Variants in PLPPR3 observed in about 807,000 individuals in gnomAD.
The protein encoded by PLPPR3 is phospholipid phosphatase-related protein type 3.
PLPPR3 carries 14 observed loss-of-function variants against 27.3 expected under a neutral mutation model. The ratio of observed to expected loss-of-function variants is 0.51; its 90% CI spans 0.34 to 0.80. PLPPR3 has a LOEUF of 0.80. PLPPR3 is among the 30% of genes least tolerant of loss of function. The probability of loss-of-function intolerance (pLI) is 0.01; values close to 1 mark genes in which losing one functional copy is unlikely to be tolerated. For synonymous variants in PLPPR3, 671 were observed against 508.0 expected (o/e 1.32, Z -4.32); for missense variants, 1,287 against 1,056.9 (o/e 1.22, Z -3.02).
intron 2 of PLPPR3, among the ~76,000 whole-genome samples, chr19:819,432 C>G (rs556707942): frequency 7.2e-5 from 11 of 151,790 alleles, no homozygotes; most frequent in Non-Finnish European, 1.6e-4. Context: ...AGGCGCCCAC[C>G]ACTACGACCA....
At chr19:823,446 A>C (rs376646238), upstream of PLPPR3, among the ~76,000 whole-genome samples, 15 of 84,284 alleles carry the variant, frequency 1.8e-4, no homozygotes, top group Admixed American at 1.2e-3. Flanking sequence ...TATCTCAAAA[A>C]AAAAAAAAAA....
intron 7 of PLPPR3, 109 bp downstream of exon 7, chr19:814,325 C>T (rs562827641): frequency 8.8e-7 from 1 of 1,134,100 alleles, no homozygotes; most frequent in African/African-American, 1.6e-5. Flanking sequence ...CTGCCTCCCA[C>T]CTCAGACCCC....
chr19:821,786 C>A, intron 1 of PLPPR3, 129 bp downstream of exon 1: 1 of 340,530 alleles, frequency 2.9e-6, no homozygotes, highest in Non-Finnish European at 5.2e-6. Context: ...GGGCCGGGAT[C>A]GCCGAGGAGG....
At position 813,073 on chromosome 19, in the gene PLPPR3, T is replaced by G. The variant is rs1301859248; in HGVS notation, c.1654A>C (p.Lys552Gln). 4.0e-6 allele frequency: 6 copies of G among 1,501,358 alleles called. No homozygotes were observed. The highest frequency in any genetic ancestry group is 5.3e-6 in the Non-Finnish European group (6 of 1,135,810). 93.0% of individuals were successfully genotyped at this position (1,501,358 alleles called of 1,614,324 possible). ...MSKAPGAPGP[K>Q]AAETASSSSA... ...GACGACGACGCCGTCTCGGCCGCCT[T>G]GGGGCCCGGCGCGCCCGGAGCCTTG... Residue 552 changes from lysine to glutamine, a missense_variant, in exon 8 of 8, where the codon AAG becomes CAG. Physicochemically the swap from Lys to Gln is moderately conservative, Grantham distance 53 (BLOSUM62 1). Transcript: ENST00000520876. This position sits in a 1 kb window ranked among gnomAD's most constrained non-coding sequence, Gnocchi z 4.1.
rs777040529 is a variant in PLPPR3 at position 815,074 on chromosome 19, G to A, written c.411C>T (p.His137=). Residue 137 remains histidine, a synonymous_variant, in exon 5 of 8, where the codon CAC becomes CAT. Coordinates refer to ENST00000520876, the MANE Select transcript of PLPPR3 (RefSeq NM_001270366.2). ...LRRTVRFVGV[H]VFGLCATALV... is the part of the protein sequence containing the mutation. Reference sequence around the variant, plus strand: ...GGGCTGTGGCACACAGGCCGAACACGTGGACACCTGCAGGGCGGAAGGCTC... The same window carrying A: ...GGGCTGTGGCACACAGGCCGAACACATGGACACCTGCAGGGCGGAAGGCTC... 1.2e-5 allele frequency: 20 copies of A among 1,605,484 alleles called. No homozygotes were observed. The highest frequency in any genetic ancestry group is 6.7e-5 in the Admixed American group (4 of 59,962).
rs1484631209 is a variant in PLPPR3 at position 812,610 on chromosome 19, C to CCCTCGG, written c.2111_2116dup (p.Ala704_Glu705dup). Reference sequence around the variant, plus strand: ...GCGCGCCTGCATCTTGCGGAAGTAGCCCTCGGCCTCCGCCTCCGCCTCGCG... The same window carrying CCCTCGG: ...GCGCGCCTGCATCTTGCGGAAGTAGCCCTCGGCCTCGGCCTCCGCCTCCGCCTCGCG... On this transcript the variant is annotated inframe_insertion, in exon 8 of 8. Coordinates refer to ENST00000520876, the MANE Select transcript of PLPPR3 (RefSeq NM_001270366.2). 6.4e-5 allele frequency: 72 copies of CCCTCGG among 1,116,520 alleles called. No homozygotes were observed. Among genetic ancestry groups the CCCTCGG allele is most frequent in the Admixed American group, 4.9e-4 (11 of 22,238 alleles). 69.2% of individuals were successfully genotyped at this position (1,116,520 alleles called of 1,614,324 possible).
In PLPPR3 at chr19:815,336, A is replaced by G; in HGVS notation, c.262-9T>C. 2 of 1,535,014 alleles carry G rather than the reference A, an allele frequency of 1.3e-6. No homozygotes were observed. Among genetic ancestry groups the G allele is most frequent in the Non-Finnish European group, 8.8e-7 (1 of 1,140,926 alleles). ...CCCTCGGCCACCATGATCTGCCAAC[A>G]GGGAGGGGGCGCTCAGGCCTCGGTG... On this transcript the variant is annotated splice_polypyrimidine_tract_variant and intron_variant, in intron 3 of 7. Transcript: ENST00000520876.
At position 821,365 on chromosome 19, in the gene PLPPR3, G is replaced by A. The variant is rs889052979; in HGVS notation, c.75+120C>T. ...CCCATCCGCCGGACACCCCGGTCCT[G>A]CCCCGCCCCGAGGCCACTGCCGGGG... is the stretch of plus-strand genomic sequence containing the variant. On this transcript the variant is annotated intron_variant, in intron 2 of 7. Coordinates refer to ENST00000520876, the MANE Select transcript of PLPPR3 (RefSeq NM_001270366.2). 2.7e-5 allele frequency: 21 copies of A among 785,830 alleles called. No individual in the cohort carries two copies. In the Admixed American group the frequency reaches 2.7e-4, roughly 10 times the overall value. 48.7% of individuals were successfully genotyped at this position (785,830 alleles called of 1,614,324 possible).
intron 1 of PLPPR3, 111 bp from the exon 2 acceptor site, chr19:821,696 A>T (rs1339567677): frequency 5.9e-6 from 3 of 509,604 alleles, no homozygotes; most frequent in Admixed American, 9.0e-5. Flanking sequence ...GGCTGCAGAG[A>T]GCGGCGTCCG....
chr19:823,527 C>A (rs905600217), upstream of PLPPR3, among the ~76,000 whole-genome samples: 511 of 152,024 alleles, frequency 3.4e-3, 1 homozygote, highest in Middle Eastern at 0.014. Context: ...ACAGGCACTG[C>A]TGCCCCCGGG....
chr19:823,092 C>G (rs1025517217), upstream of PLPPR3, among the ~76,000 whole-genome samples: 1 of 150,486 alleles, frequency 6.6e-6, no homozygotes, highest in Non-Finnish European at 1.5e-5. Flanking sequence ...GCACTCCAGC[C>G]TGGGCAACAA....
upstream of PLPPR3, among the ~76,000 whole-genome samples, chr19:822,873 C>T (rs1011178036): frequency 6.6e-6 from 1 of 152,208 alleles, no homozygotes; most frequent in Non-Finnish European, 1.5e-5. Flanking sequence ...GTAATCCCAG[C>T]ACTTTGGGAG....
At chr19:817,215 T>C (rs78959163) in intron 2 of PLPPR3, among the ~76,000 whole-genome samples, 7,706 of 152,168 alleles carry the variant, frequency 0.051, 675 homozygotes, top group African/African-American at 0.18. Context: ...TAGGCTCAAG[T>C]GATACACCCG....
chr19:820,117 A>C (rs549935606), intron 2 of PLPPR3, among the ~76,000 whole-genome samples: 1 of 151,968 alleles, frequency 6.6e-6, no homozygotes, highest in Non-Finnish European at 1.5e-5. Flanking sequence ...CAATGTGTTG[A>C]GATCACAGGC....
In PLPPR3 at chr19:821,502, A is replaced by C. The variant is rs1337697797; in HGVS notation, c.58T>G (p.Cys20Gly). 1 of 1,509,938 alleles carries C rather than the reference A, an allele frequency of 6.6e-7. No individual in the cohort carries two copies. Among genetic ancestry groups the C allele is most frequent in the Non-Finnish European group, 8.9e-7 (1 of 1,127,924 alleles). The allele number at this position is 1,509,938 out of a possible 1,614,324, so 93.5% of individuals were successfully genotyped here. A position where few individuals can be genotyped will look rare whatever the true frequency, so the allele number is the denominator to read the frequency against. The stretch of plus-strand genomic sequence containing the variant: ...CCACCCACCTCCACGAAGTAGAAGC[A>C]GGGCAGAAGCGTCATGCTGTCCTTC... ...IPKDSMTLLP[C>G]FYFVELPIVA... Residue 20 changes from cysteine to glycine, a missense_variant, in exon 2 of 8, where the codon TGC becomes GGC. Transcript: ENST00000520876.
At chr19:815,575 G>C (rs2035039748) in intron 3 of PLPPR3, 91 bp downstream of exon 3, 1 of 1,340,080 alleles carries the variant, frequency 7.5e-7, no homozygotes. Flanking sequence ...TTCACCGACA[G>C]GCCCCAGTGT....
In PLPPR3 at chr19:812,728, G is replaced by T; in HGVS notation, c.1999C>A (p.Leu667Met). 9.4e-7 allele frequency: 1 copy of T among 1,063,352 alleles called. No individual in the cohort carries two copies. The highest frequency in any genetic ancestry group is 1.1e-6 in the Non-Finnish European group (1 of 879,554). The allele number at this position is 1,063,352 out of a possible 1,614,324, so 65.9% of individuals were successfully genotyped here. The change falls in exon 8 of 8, where the codon CTG becomes ATG. Residue 667 changes from leucine to methionine, a missense_variant. By Grantham distance (15) the Leu-to-Met change is conservative. Transcript: ENST00000520876. ...CCATCGGCCGCGCCCAGCGGGGGCAGCCCCTCGCCCGTGGCCAGGTTGACG... is the reference window on the plus strand; with the variant it reads ...CCATCGGCCGCGCCCAGCGGGGGCATCCCCTCGCCCGTGGCCAGGTTGACG... ...ATVNLATGEG[L>M]PPLGAADGAL...
rs56944467 is a variant in PLPPR3 at position 814,680 on chromosome 19, G to T, written c.657+12C>A. The T allele has an allele frequency of 0.13, 210,827 of 1,605,008 alleles. 15,840 individuals are homozygous for T. Among genetic ancestry groups the T allele is most frequent in the Admixed American group, 0.24 (14,589 of 59,948 alleles). On this transcript the variant is annotated intron_variant, in intron 6 of 7. Transcript: ENST00000520876. ...AGAGGGCCTGGGAAGGGCAGTGAGG[G>T]GCCGGACTCACCGACACATAGACCG...
chr19:819,721 G>A (rs774835204), intron 2 of PLPPR3, among the ~76,000 whole-genome samples: 9 of 152,202 alleles, frequency 5.9e-5, no homozygotes, highest in Admixed American at 2.0e-4. Context: ...CAGGCCAGCC[G>A]CTGGCCGTGT....
Sources: allele counts gnomAD v4.1 joint callset (sites outside exome capture counted in the v4.1 genomes callset), GRCh38; gene constraint gnomAD v4.1.1; non-coding constraint Gnocchi (gnomAD v3.1); transcripts MANE v1.5; gene names NCBI Gene and HGNC (gene_info 2026-07-23, HGNC 2026-07-21).